The following TMEM132D variants were observed in gnomAD, a reference collection of about 807,000 sequenced individuals.
TMEM132D encodes transmembrane protein 132D, also known as mature OL transmembrane protein.
In TMEM132D, 21 loss-of-function variants were observed where a neutral mutation model predicts 62.3. The ratio of observed to expected loss-of-function variants is 0.34; its 90% CI spans 0.24 to 0.49. The LOEUF is 0.49. TMEM132D is among the 20% of genes least tolerant of loss of function. TMEM132D has a pLI of 0.99. For synonymous variants in TMEM132D, 621 were observed against 575.6 expected, an observed-to-expected ratio of 1.08 and a Z score of -1.13; for missense variants, 1,346 against 1,402.8, an observed-to-expected ratio of 0.96 and a Z score of 0.65.
chr12:129,623,306 A>G (rs917079033), intron 2 of TMEM132D, among the ~76,000 whole-genome samples: 10 of 152,130 alleles, frequency 6.6e-5, no homozygotes, highest in African/African-American at 2.4e-4. Flanking sequence ...CAATAGCTTT[A>G]GGGGTACAGT....
At chr12:129,647,043 A>G (rs1593103736) in intron 2 of TMEM132D, among the ~76,000 whole-genome samples, 1 of 151,546 alleles carries the variant, frequency 6.6e-6, no homozygotes, top group Non-Finnish European at 1.5e-5. Context: ...CAGGTGATCC[A>G]CCTGCCTCGG....
intron 3 of TMEM132D, among the ~76,000 whole-genome samples, chr12:129,436,948 C>T (rs1872802971): frequency 6.6e-6 from 1 of 152,146 alleles, no homozygotes; most frequent in Non-Finnish European, 1.5e-5. Flanking sequence ...GTATTTACCA[C>T]ATTTATACAC....
chr12:129,136,684 T>A (rs940304014), intron 5 of TMEM132D, among the ~76,000 whole-genome samples: 1 of 143,994 alleles, frequency 6.9e-6, no homozygotes, highest in African/African-American at 2.5e-5. Flanking sequence ...ATCACTGCCA[T>A]CATCATCAAC....
intron 5 of TMEM132D, among the ~76,000 whole-genome samples, chr12:129,126,356 CTCTT>C (rs367594517): frequency 9.4e-5 from 13 of 137,828 alleles, no homozygotes; most frequent in African/African-American, 2.9e-4. Context: ...CAGTTTCTCT[CTCTT>C]TTTTTTTTTT....
chr12:129,076,327 G>A (rs1365261517), intron 8 of TMEM132D, among the ~76,000 whole-genome samples: 1 of 152,178 alleles, frequency 6.6e-6, no homozygotes, highest in African/African-American at 2.4e-5. Context: ...TTTCCTCCAA[G>A]GTCTTGCAGC....
At chr12:129,536,779 A>C (rs10773680) in intron 2 of TMEM132D, among the ~76,000 whole-genome samples, 71,728 of 152,086 alleles carry the variant, frequency 0.47, 17,435 homozygotes, top group African/African-American at 0.59. Flanking sequence ...CCAACAGTGA[A>C]GCAGAAGAAA....
chr12:129,384,109 C>T (rs530985910), intron 3 of TMEM132D, among the ~76,000 whole-genome samples: 3 of 152,328 alleles, frequency 2.0e-5, no homozygotes, highest in South Asian at 4.1e-4. Context: ...ACAACACATG[C>T]TCATCACGAG....
At chr12:129,448,185 C>T (rs1174890138) in intron 3 of TMEM132D, among the ~76,000 whole-genome samples, 4 of 152,226 alleles carry the variant, frequency 2.6e-5, no homozygotes, top group South Asian at 2.1e-4. Context: ...TTATGTTTGA[C>T]GGATGCAGAA....
intron 4 of TMEM132D, among the ~76,000 whole-genome samples, chr12:129,334,420 G>A (rs1481489202): frequency 6.7e-6 from 1 of 148,780 alleles, no homozygotes; most frequent in Non-Finnish European, 1.5e-5. Context: ...TTTAATAACG[G>A]CAACCACATC....
chr12:129,177,815 G>A (rs1172833849), intron 5 of TMEM132D, among the ~76,000 whole-genome samples: 1 of 152,174 alleles, frequency 6.6e-6, no homozygotes, highest in Admixed American at 6.5e-5. Context: ...GTGCAGGTTT[G>A]TTACATCGGT....
At chr12:129,730,157 T>A (rs1476595763) in intron 1 of TMEM132D, among the ~76,000 whole-genome samples, 2 of 152,156 alleles carry the variant, frequency 1.3e-5, no homozygotes, top group African/African-American at 4.8e-5. Flanking sequence ...TTAAGAAATG[T>A]CATATTTTTC....
chr12:129,299,582 G>A (rs12304273), intron 4 of TMEM132D, among the ~76,000 whole-genome samples: 1 of 150,870 alleles, frequency 6.6e-6, no homozygotes, highest in Non-Finnish European at 1.5e-5. Flanking sequence ...ATTCATGGGA[G>A]AGCCCCACCC....
chr12:129,076,424 C>T (rs1874259257), intron 8 of TMEM132D, among the ~76,000 whole-genome samples: 1 of 151,986 alleles, frequency 6.6e-6, no homozygotes, highest in Non-Finnish European at 1.5e-5. Context: ...TCTCTTATGA[C>T]CTACTGGCCC....
rs1325181213 is a variant in TMEM132D at position 129,455,886 on chromosome 12, G to C, written c.1115+75173C>G. Among the ~76,000 whole-genome samples, 2 of 152,176 alleles carry C rather than the reference G, an allele frequency of 1.3e-5. 1 individual carries two copies. The highest frequency in any genetic ancestry group is 4.1e-4 in the South Asian group (2 of 4,820). On this transcript the variant is annotated intron_variant, in intron 3 of 8. Transcript: ENST00000422113. ...GAGTTTTAATACAGGGTTATACACT[G>C]ACTCCATTTTTTAATTAAAGGACAA...
chr12:129,322,015 G>A (rs61272946), intron 4 of TMEM132D, among the ~76,000 whole-genome samples: 33,430 of 151,900 alleles, frequency 0.22, 3,895 homozygotes, highest in African/African-American at 0.24. Context: ...AAAAGCATCA[G>A]TGCTGGAGTC....
chr12:129,791,268 T>C (rs1871394027), intron 1 of TMEM132D, among the ~76,000 whole-genome samples: 2 of 152,136 alleles, frequency 1.3e-5, no homozygotes, highest in African/African-American at 4.8e-5. Flanking sequence ...TCAGGAAGCA[T>C]GGCCTGAAAA....
intron 4 of TMEM132D, among the ~76,000 whole-genome samples, chr12:129,273,775 G>C (rs998937818): frequency 5.3e-5 from 8 of 151,708 alleles, no homozygotes; most frequent in Non-Finnish European, 1.2e-4. Context: ...CGAGTGGGGA[G>C]GTAGGGAGGA....
At position 129,470,825 on chromosome 12, in the gene TMEM132D, G is replaced by A. The variant is rs570259205; in HGVS notation, c.1115+60234C>T. Among the ~76,000 whole-genome samples, 18 of 152,296 alleles carry A rather than the reference G, an allele frequency of 1.2e-4. No homozygotes were observed. In the South Asian group the frequency reaches 3.5e-3, roughly 30 times the overall value. On this transcript the variant is annotated intron_variant, in intron 3 of 8. Transcript: ENST00000422113. Reference sequence around the variant, plus strand: ...AGCACCTTTTGTCCTTAGAAACACAGAGGAAGCTTGTCAGTTGTGAGAATT... The same window carrying A: ...AGCACCTTTTGTCCTTAGAAACACAAAGGAAGCTTGTCAGTTGTGAGAATT...
chr12:129,819,047 A>G (rs1405419555), intron 1 of TMEM132D, among the ~76,000 whole-genome samples: 3 of 151,738 alleles, frequency 2.0e-5, no homozygotes, highest in Admixed American at 1.3e-4. Context: ...AAAAAAAAAG[A>G]CAAGAAAAAA....
Sources: gnomAD v4.1 joint callset for allele counts (sites outside exome capture counted in the v4.1 genomes callset) on GRCh38, gnomAD v4.1.1 for gene constraint, MANE v1.5 for transcripts, NCBI Gene and HGNC (gene_info 2026-07-23, HGNC 2026-07-21) for gene names.